Variants in OR51B5 observed in about 807,000 individuals in gnomAD.
OR51B5 encodes olfactory receptor family 51 subfamily B member 5, also known as olfactory receptor 51B5.
For synonymous variants in OR51B5, 186 were observed against 144.8 expected (o/e 1.28, Z -2.04); for missense variants, 456 against 374.6 (o/e 1.22, Z -1.79).
At chr11:5,389,452 T>A in intron 1 of OR51B5, 1 of 1,613,882 alleles carries the variant, frequency 6.2e-7, no homozygotes, top group South Asian at 1.1e-5. Context: ...CCAACATTAC[T>A]CAGTTTAGCC....
At position 5,462,721 on chromosome 11, in the gene OR51B5, C is replaced by A. The variant is rs115245029; in HGVS notation, n.84+42848G>T. Among the ~76,000 whole-genome samples, 1,192 of 152,336 alleles carry A rather than the reference C, an allele frequency of 7.8e-3. 16 individuals carry two copies. Among genetic ancestry groups the A allele is most frequent in the Middle Eastern group, 0.024 (7 of 294 alleles). Reference sequence around the variant, plus strand: ...ACACTTTTCTACCTGGGCTGATGCACTACTTTGGACTCAGGACCCTCTGTT... The same window carrying A: ...ACACTTTTCTACCTGGGCTGATGCAATACTTTGGACTCAGGACCCTCTGTT... On this transcript the variant is annotated intron_variant and non_coding_transcript_variant, in intron 1 of 4. Transcript: ENST00000415970.
At chr11:5,468,819 C>T (rs1201168473) in intron 1 of OR51B5, 1 of 451,104 alleles carries the variant, frequency 2.2e-6, no homozygotes. Context: ...ATGAACAGGC[C>T]ATACATGCTG....
chr11:5,438,962 A>G (rs923689448), intron 1 of OR51B5, among the ~76,000 whole-genome samples: 14 of 152,180 alleles, frequency 9.2e-5, no homozygotes, highest in Non-Finnish European at 2.1e-4. Flanking sequence ...AGAAAAGAAA[A>G]AGAGTTAATA....
At chr11:5,474,023 C>A (rs992914182) in intron 1 of OR51B5, among the ~76,000 whole-genome samples, 7 of 151,948 alleles carry the variant, frequency 4.6e-5, no homozygotes, top group African/African-American at 7.3e-5. Context: ...AAAAGACACC[C>A]TTATAGGAAA....
chr11:5,443,222 T>C (rs1850716701), intron 1 of OR51B5, among the ~76,000 whole-genome samples: 3 of 152,268 alleles, frequency 2.0e-5, no homozygotes, highest in Non-Finnish European at 4.4e-5. Context: ...ATTTTAGAGT[T>C]CCCATTTTAT....
chr11:5,423,664 C>A (rs1850396077), intron 1 of OR51B5, among the ~76,000 whole-genome samples: 1 of 152,110 alleles, frequency 6.6e-6, no homozygotes, highest in African/African-American at 2.4e-5. Context: ...AGTTTTTCTG[C>A]CATTCAGATT....
chr11:5,445,127 A>G (rs1486452814), intron 1 of OR51B5, among the ~76,000 whole-genome samples: 1 of 152,178 alleles, frequency 6.6e-6, no homozygotes, highest in African/African-American at 2.4e-5. Flanking sequence ...ACACACTATA[A>G]TCTATGTATT....
At chr11:5,445,031 A>T (rs1315899744) in intron 1 of OR51B5, among the ~76,000 whole-genome samples, 1 of 152,176 alleles carries the variant, frequency 6.6e-6, no homozygotes, top group Non-Finnish European at 1.5e-5. Context: ...ATTCAAATTT[A>T]CATACATACA....
chr11:5,477,176 A>G (rs775582598), intron 1 of OR51B5, among the ~76,000 whole-genome samples: 1 of 152,220 alleles, frequency 6.6e-6, no homozygotes, highest in Non-Finnish European at 1.5e-5. Flanking sequence ...AAACTCATCA[A>G]CTGAATTTCG....
At chr11:5,382,348 T>A (rs1278048914) in intron 1 of OR51B5, among the ~76,000 whole-genome samples, 1 of 152,186 alleles carries the variant, frequency 6.6e-6, no homozygotes, top group African/African-American at 2.4e-5. Context: ...TCTTCATAGC[T>A]CAGGTTGGGG....
rs149289446 is a variant in OR51B5 at position 5,457,302 on chromosome 11, G to C, written n.84+48267C>G. 9.0e-3 allele frequency among the ~76,000 whole-genome samples: 1,366 copies of C among 152,262 alleles called. 21 individuals are homozygous for C. The highest frequency in any genetic ancestry group is 0.031 in the African/African-American group (1,290 of 41,552). ...CAAGCCGCATCCATGTAGCTGCAAA[G>C]GACATGATTTTGTTCTTTTTATGGC... On this transcript the variant is annotated intron_variant and non_coding_transcript_variant, in intron 1 of 4. Transcript: ENST00000415970.
At chr11:5,353,251 T>C (rs1849131657) in intron 1 of OR51B5, among the ~76,000 whole-genome samples, 1 of 152,202 alleles carries the variant, frequency 6.6e-6, no homozygotes. Flanking sequence ...TTGGTTAACA[T>C]TTATCAAATA....
intron 1 of OR51B5, among the ~76,000 whole-genome samples, chr11:5,449,923 T>G (rs1427196035): frequency 6.6e-6 from 1 of 152,194 alleles, no homozygotes; most frequent in African/African-American, 2.4e-5. Flanking sequence ...TGATACAGAT[T>G]GAAAACTGTG....
At chr11:5,459,626 T>C (rs1403694269) in intron 1 of OR51B5, among the ~76,000 whole-genome samples, 1 of 146,870 alleles carries the variant, frequency 6.8e-6, no homozygotes. Context: ...GCATGTGAAA[T>C]AAAAGCCCAG....
At chr11:5,349,049 T>G (rs1046817091) in intron 1 of OR51B5, among the ~76,000 whole-genome samples, 1 of 152,144 alleles carries the variant, frequency 6.6e-6, no homozygotes, top group African/African-American at 2.4e-5. Flanking sequence ...CGGCAGAGTT[T>G]GAGACTTTGA....
In OR51B5 at chr11:5,488,797, G is replaced by A. The variant is rs372182459; in HGVS notation, n.84+16772C>T. 112 of 1,613,860 alleles carry A rather than the reference G, an allele frequency of 6.9e-5. No individual in the cohort carries two copies. The highest frequency in any genetic ancestry group is 8.8e-5 in the Non-Finnish European group (104 of 1,179,922). On this transcript the variant is annotated intron_variant and non_coding_transcript_variant, in intron 1 of 4. Transcript: ENST00000415970. The stretch of plus-strand genomic sequence containing the variant: ...GCTGGAGGCTGCCCACTTCTGGATT[G>A]CCATCCCTTTCTGTGCCATGTATCT...
chr11:5,355,862 G>A (rs11036968), intron 1 of OR51B5, among the ~76,000 whole-genome samples: 18 of 151,770 alleles, frequency 1.2e-4, no homozygotes, highest in East Asian at 1.9e-4. Context: ...TGACATAGGC[G>A]TCAATATACA....
intron 1 of OR51B5, among the ~76,000 whole-genome samples, chr11:5,388,501 GT>G (rs2133726643): frequency 6.7e-6 from 1 of 149,870 alleles, no homozygotes; most frequent in East Asian, 2.0e-4. Context: ...AGGAAAAAAT[GT>G]TTTTATTCCA....
chr11:5,389,977 C>G (rs1160728715), intron 1 of OR51B5: 3 of 1,612,382 alleles, frequency 1.9e-6, no homozygotes, highest in South Asian at 1.1e-5. Context: ...TTTGCCTGCA[C>G]CAGGAAGTGA....
Sources: allele counts gnomAD v4.1 joint callset (sites outside exome capture counted in the v4.1 genomes callset), GRCh38; gene constraint gnomAD v4.1.1; transcripts MANE v1.5; gene names NCBI Gene and HGNC (gene_info 2026-07-23, HGNC 2026-07-21).